The following PTPRG variants were observed in gnomAD, a reference collection of about 807,000 sequenced individuals.
The protein encoded by PTPRG is receptor-type tyrosine-protein phosphatase gamma.
In PTPRG, 102 loss-of-function variants were observed where a neutral mutation model predicts 165.3. The ratio of observed to expected loss-of-function variants is 0.62; its 90% CI spans 0.53 to 0.73. The LOEUF (loss-of-function observed/expected upper bound fraction) is 0.73. Ranked by LOEUF, PTPRG falls within the 30% of genes least tolerant of loss-of-function variation. PTPRG has a pLI of 0.00. For missense variants in PTPRG, 1,866 were observed against 1,861.4 expected (o/e 1.00, Z -0.05); for synonymous variants, 675 against 669.5 (o/e 1.01, Z -0.13).
chr3:61,988,631 G>A (rs2040818234), intron 2 of PTPRG, among the ~76,000 whole-genome samples: 1 of 152,110 alleles, frequency 6.6e-6, no homozygotes, highest in Non-Finnish European at 1.5e-5. Flanking sequence ...TTCTCATTGG[G>A]AAGCCTGTGT....
rs150851453 is a variant in PTPRG, at chr3:62,155,219, G to T, written c.683-1848G>T. Reference sequence around the variant, plus strand: ...CTAAATTTTTATTTTAGAAAAAGACGAATTGAACACCTCTCTGAGAATCAG... The same window carrying T: ...CTAAATTTTTATTTTAGAAAAAGACTAATTGAACACCTCTCTGAGAATCAG... On this transcript the variant is annotated intron_variant, in intron 6 of 29. Transcript: ENST00000474889. Among the ~76,000 whole-genome samples the T allele has an allele frequency of 2.0e-3, 305 of 152,280 alleles. 1 individual carries two copies. Among genetic ancestry groups the T allele is most frequent in the African/African-American group, 6.5e-3 (270 of 41,546 alleles).
intron 1 of PTPRG, among the ~76,000 whole-genome samples, chr3:61,735,529 G>GTTTTT (rs11352504): frequency 4.2e-5 from 6 of 143,166 alleles, no homozygotes; most frequent in Non-Finnish European, 6.1e-5. Flanking sequence ...AATTCCTTGA[G>GTTTTT]TTTTTTTTTT....
intron 1 of PTPRG, among the ~76,000 whole-genome samples, chr3:61,680,520 AC>A (rs753046763): frequency 0.011 from 585 of 55,404 alleles, 68 homozygotes; most frequent in South Asian, 0.029. Flanking sequence ...AAAAAAAAAC[AC>A]AAAAAAACAG....
intron 16 of PTPRG, 35 bp from the exon 17 acceptor site, chr3:62,262,763 A>T (rs1559722509): frequency 5.3e-6 from 8 of 1,518,658 alleles, no homozygotes; most frequent in Non-Finnish European, 7.3e-6. Flanking sequence ...TTTGTTTCTA[A>T]ACTGTGTCTA....
chr3:62,209,315 G>C (rs1700303820), intron 12 of PTPRG, among the ~76,000 whole-genome samples: 1 of 152,124 alleles, frequency 6.6e-6, no homozygotes, highest in Non-Finnish European at 1.5e-5. Context: ...TCCACAACAG[G>C]AACCATCTGG....
At chr3:61,966,845 A>G (rs1344340746) in intron 2 of PTPRG, among the ~76,000 whole-genome samples, 1 of 152,060 alleles carries the variant, frequency 6.6e-6, no homozygotes, top group Non-Finnish European at 1.5e-5. Context: ...GTTTCTGCTT[A>G]GCTTGTACAT....
At chr3:61,672,778 A>AGAGG (rs1484411526) in intron 1 of PTPRG, among the ~76,000 whole-genome samples, 6 of 134,908 alleles carry the variant, frequency 4.4e-5, no homozygotes, top group African/African-American at 1.8e-4. Context: ...GGAGAGGGAG[A>AGAGG]GAGGGAGAGA....
intron 2 of PTPRG, among the ~76,000 whole-genome samples, chr3:61,933,270 C>T (rs754145769): frequency 9.2e-5 from 14 of 152,148 alleles, no homozygotes; most frequent in African/African-American, 2.9e-4. Context: ...TGCTGAGATA[C>T]GATTTTGTCC....
chr3:61,570,667 A>G (rs537770040), intron 1 of PTPRG, among the ~76,000 whole-genome samples: 69 of 152,346 alleles, frequency 4.5e-4, no homozygotes, highest in Non-Finnish European at 7.5e-4. Flanking sequence ...GATTTGGATA[A>G]GGGGACACAG....
rs529126397 is a variant in PTPRG, at chr3:62,134,457, G to A, written c.682+1789G>A. Among the ~76,000 whole-genome samples, 6 of 152,298 alleles carry A rather than the reference G, an allele frequency of 3.9e-5. No individual in the cohort carries two copies. The East Asian group carries it at 1.2e-3, about 29-fold the overall frequency. On this transcript the variant is annotated intron_variant, in intron 6 of 29. Transcript: ENST00000474889. ...TCTGCCTGGTATGCAGCCCCTCCCA[G>A]CTTGTGCATTTGCTGTTTCCTCTGT... is the stretch of plus-strand genomic sequence containing the variant.
chr3:61,833,558 CTTTCT>C, intron 2 of PTPRG, among the ~76,000 whole-genome samples: 1 of 151,942 alleles, frequency 6.6e-6, no homozygotes, highest in Non-Finnish European at 1.5e-5. Context: ...AAGTGTTTTC[CTTTCT>C]TTTCTTTTTC....
chr3:62,194,064 G>C (rs75944461), intron 9 of PTPRG, among the ~76,000 whole-genome samples: 2,463 of 152,258 alleles, frequency 0.016, 30 homozygotes, highest in African/African-American at 0.04. Context: ...CTTTTTTCTG[G>C]AAATGGCTAC....
In PTPRG at chr3:62,255,214, AG is replaced by A; in HGVS notation, c.2559+1del. 1.2e-6 allele frequency: 2 copies of A among 1,609,952 alleles called. No homozygotes were observed. Among genetic ancestry groups the A allele is most frequent in the Non-Finnish European group, 1.7e-6 (2 of 1,177,614 alleles). On this transcript the variant is annotated frameshift_variant and splice_region_variant, in exon 16 of 30. Coordinates refer to ENST00000474889, the MANE Select transcript of PTPRG (RefSeq NM_002841.4). LOFTEE classifies it high-confidence loss of function. The surrounding 1 kb of genome is among the most constrained non-coding windows in gnomAD (Gnocchi z 4.0). Reference sequence around the variant, plus strand: ...CAGCATGGGTTCTCTGAGGATTTTGAGGTATGTTTCAAGGCTGGAAGTTAAC... The same window carrying A: ...CAGCATGGGTTCTCTGAGGATTTTGAGTATGTTTCAAGGCTGGAAGTTAAC... ...NNQHGFSEDF[E>X]EVQRCTADMN...
intron 5 of PTPRG, among the ~76,000 whole-genome samples, chr3:62,079,326 A>G (rs1289298205): frequency 6.6e-6 from 1 of 152,264 alleles, no homozygotes; most frequent in Non-Finnish European, 1.5e-5. Flanking sequence ...TACCTAGAAT[A>G]AGAACAATGG....
Position 62,293,426 on chromosome 3 carries a change from AG to A in PTPRG, c.*120del. On this transcript the variant is annotated 3_prime_UTR_variant, in exon 30 of 30. Coordinates refer to ENST00000474889, the MANE Select transcript of PTPRG (RefSeq NM_002841.4). ...CCAGTTACTTTTTTACACTGATAAA[AG>A]TTTTGATATTTATTTTTTGCCATTT... The A allele has an allele frequency of 1.1e-6, 1 of 886,704 alleles. No individual in the cohort carries two copies. The highest frequency in any genetic ancestry group is 1.7e-5 in the African/African-American group (1 of 57,948). The allele number at this position is 886,704 out of a possible 1,614,324, so 54.9% of individuals were successfully genotyped here.
intron 5 of PTPRG, among the ~76,000 whole-genome samples, chr3:62,120,888 G>C (rs148553483): frequency 6.6e-6 from 1 of 152,280 alleles, no homozygotes; most frequent in African/African-American, 2.4e-5. Flanking sequence ...AACTTTGTGT[G>C]TTCCTGGTTG....
intron 1 of PTPRG, among the ~76,000 whole-genome samples, chr3:61,598,424 C>T (rs1413209018): frequency 2.0e-5 from 3 of 152,176 alleles, no homozygotes; most frequent in African/African-American, 4.8e-5. Flanking sequence ...TATCTCTGAA[C>T]TAGGATGTGA....
intron 1 of PTPRG, among the ~76,000 whole-genome samples, chr3:61,624,207 T>C (rs1477445571): frequency 6.6e-6 from 1 of 152,174 alleles, no homozygotes; most frequent in African/African-American, 2.4e-5. Context: ...TACCACTTAA[T>C]AGCTGCGAAC....
chr3:62,035,971 A>T (rs1699924265), intron 4 of PTPRG, among the ~76,000 whole-genome samples: 1 of 151,416 alleles, frequency 6.6e-6, no homozygotes, highest in Non-Finnish European at 1.5e-5. Context: ...TAATTCAGGG[A>T]TGTATTCAAC....
Sources: allele counts gnomAD v4.1 joint callset (sites outside exome capture counted in the v4.1 genomes callset), GRCh38; gene constraint gnomAD v4.1.1; non-coding constraint Gnocchi (gnomAD v3.1); transcripts MANE v1.5; gene names NCBI Gene and HGNC (gene_info 2026-07-23, HGNC 2026-07-21).